The following METAP1 variants were observed in gnomAD, a reference collection of about 807,000 sequenced individuals.
METAP1 encodes methionine aminopeptidase 1.
A neutral mutation model predicts 53.8 loss-of-function variants in METAP1; 28 were observed. The ratio of observed to expected loss-of-function variants is 0.52; its 90% confidence interval spans 0.39 to 0.71. The LOEUF (loss-of-function observed/expected upper bound fraction) is 0.71. Ranked by LOEUF, METAP1 falls within the 30% of genes least tolerant of loss-of-function variation. The pLI is 0.00. For missense variants in METAP1, 389 were observed against 479.8 expected (o/e 0.81, Z 1.77); for synonymous variants, 181 against 165.7 (o/e 1.09, Z -0.71).
rs143137970 is a variant in METAP1, at chr4:99,059,521, C to A, written c.998-1633C>A. Among the ~76,000 whole-genome samples the A allele has an allele frequency of 2.8e-3, 432 of 152,250 alleles. 3 individuals carry two copies. The highest frequency in any genetic ancestry group is 9.9e-3 in the African/African-American group (411 of 41,542). Reference sequence around the variant, plus strand: ...AGTTTATGTTCTGGGATTTGTCTGTCTGAGGCAGTGAGTCCTAGAGGTAAT... The same window carrying A: ...AGTTTATGTTCTGGGATTTGTCTGTATGAGGCAGTGAGTCCTAGAGGTAAT... On this transcript the variant is annotated intron_variant, in intron 10 of 10. Transcript: ENST00000296411.
intron 7 of METAP1, among the ~76,000 whole-genome samples, chr4:99,044,290 A>G (rs530222337): frequency 6.7e-4 from 102 of 152,282 alleles, no homozygotes; most frequent in African/African-American, 2.1e-3. Flanking sequence ...TAAAGGAACT[A>G]CCTATCAAAT....
In METAP1 at chr4:99,031,178, C is replaced by T. The variant is rs181825612; in HGVS notation, c.166+2260C>T. Among the ~76,000 whole-genome samples, 479 of 142,514 alleles carry T rather than the reference C, an allele frequency of 3.4e-3. 5 individuals are homozygous for T. The highest frequency in any genetic ancestry group is 0.011 in the African/African-American group (444 of 38,626). 93.5% of individuals were successfully genotyped at this position (142,514 alleles called of 152,430 possible). On this transcript the variant is annotated intron_variant, in intron 2 of 10. Coordinates refer to ENST00000296411, the MANE Select transcript of METAP1 (RefSeq NM_015143.3). ...AGATGGTAAAGTCCTTAATTAAAAG[C>T]ACTTAATGCTGATTCTTGGGTGCAT...
chr4:99,055,145 C>T (rs1727010062), intron 9 of METAP1, among the ~76,000 whole-genome samples: 1 of 151,664 alleles, frequency 6.6e-6, no homozygotes, highest in Non-Finnish European at 1.5e-5. Flanking sequence ...AATTCCAGCA[C>T]CTTGGGAGGC....
intron 1 of METAP1, among the ~76,000 whole-genome samples, chr4:98,998,783 A>C (rs1023432485): frequency 6.6e-6 from 1 of 151,622 alleles, no homozygotes; most frequent in South Asian, 2.1e-4. Context: ...TGTGCAATCT[A>C]TGATTACCTC....
chr4:99,037,180 A>G (rs1725483286), intron 4 of METAP1, among the ~76,000 whole-genome samples: 1 of 151,510 alleles, frequency 6.6e-6, no homozygotes, highest in Admixed American at 6.6e-5. Flanking sequence ...AGTTTTTTCC[A>G]TATTGATTTA....
intron 9 of METAP1, among the ~76,000 whole-genome samples, chr4:99,055,103 G>A (rs1278564041): frequency 2.0e-5 from 3 of 151,458 alleles, no homozygotes; most frequent in African/African-American, 4.9e-5. Flanking sequence ...AAAAAAAAAA[G>A]CATCTGGTCA....
At chr4:99,043,213 TTTTA>T (rs1265726323) in intron 6 of METAP1, 32 bp from the exon 7 acceptor site, 1 of 1,433,756 alleles carries the variant, frequency 7.0e-7, no homozygotes, top group Non-Finnish European at 9.4e-7. Context: ...AGATTTTTTC[TTTTA>T]TATATTCCAA....
chr4:99,012,716 C>T (rs987901949), intron 1 of METAP1, among the ~76,000 whole-genome samples: 4 of 135,022 alleles, frequency 3.0e-5, no homozygotes, highest in African/African-American at 5.5e-5. Flanking sequence ...CAAATAAGAG[C>T]GACCAAGGTC....
At chr4:99,023,877 T>C (rs1407979888) in intron 1 of METAP1, 3 of 741,076 alleles carry the variant, frequency 4.0e-6, no homozygotes, top group Non-Finnish European at 3.3e-6. Context: ...GAGAAAGAGT[T>C]ACTTATTCAT....
intron 10 of METAP1, among the ~76,000 whole-genome samples, chr4:99,058,107 G>T (rs776574366): frequency 6.6e-6 from 1 of 152,146 alleles, no homozygotes; most frequent in African/African-American, 2.4e-5. Flanking sequence ...AGGTGCCCAG[G>T]TCAAGTCTGT....
chr4:99,057,995 G>A (rs1225272962), intron 10 of METAP1, among the ~76,000 whole-genome samples, 177 bp downstream of exon 10: 1 of 152,110 alleles, frequency 6.6e-6, no homozygotes, highest in Non-Finnish European at 1.5e-5. Flanking sequence ...TGGCAAGAAC[G>A]GCATGGGTTC....
rs1560691975 is a variant in METAP1, at chr4:99,004,492, CACACACACACACACACACACAA to C, written c.114+8627_114+8648del. ...ACACACACACACACACATACACACACACACACACACACACACACACAAAATAACACAGCAAATCATCCACGGG... is the reference window on the plus strand; with the variant it reads ...ACACACACACACACACATACACACACAATAACACAGCAAATCATCCACGGG... On this transcript the variant is annotated intron_variant, in intron 1 of 10. Coordinates refer to ENST00000296411, the MANE Select transcript of METAP1 (RefSeq NM_015143.3). Among the ~76,000 whole-genome samples, 342 of 133,348 alleles carry C rather than the reference CACACACACACACACACACACAA, an allele frequency of 2.6e-3. 1 individual carries two copies. Among genetic ancestry groups the C allele is most frequent in the African/African-American group, 9.2e-3 (326 of 35,526 alleles). The allele number at this position is 133,348 out of a possible 152,430, so 87.5% of individuals were successfully genotyped here.
chr4:99,011,239 A>G (rs181779959), intron 1 of METAP1, among the ~76,000 whole-genome samples: 2 of 152,130 alleles, frequency 1.3e-5, no homozygotes, highest in Admixed American at 1.3e-4. Context: ...TTGTTCCTGG[A>G]CTCAGATGAA....
chr4:99,031,764 G>C lies in METAP1; in HGVS notation c.167-2466G>C, dbSNP rs72908992. 1.1e-5 allele frequency: 5 copies of C among 466,366 alleles called. No homozygotes were observed. The Admixed American group carries it at 1.4e-4, about 13-fold the overall frequency. The allele number at this position is 466,366 out of a possible 1,614,324, so 28.9% of individuals were successfully genotyped here. On this transcript the variant is annotated intron_variant, in intron 2 of 10. Coordinates refer to ENST00000296411, the MANE Select transcript of METAP1 (RefSeq NM_015143.3). ...AAGCTTAGACATCTGTAGTTATTTT[G>C]TGTCAGCTGACCAGAGGAAGCAGCC...
intron 1 of METAP1, among the ~76,000 whole-genome samples, chr4:98,997,951 A>G (rs1421508398): frequency 6.6e-6 from 1 of 152,188 alleles, no homozygotes; most frequent in African/African-American, 2.4e-5. Flanking sequence ...CCCCTTGCAA[A>G]CAAACGCCCA....
intron 1 of METAP1, chr4:99,022,186 G>C: frequency 2.8e-6 from 1 of 353,668 alleles, no homozygotes. Context: ...CCACGTTTGG[G>C]CCCTCACCAG....
At chr4:99,049,193 G>A (rs1345410186) in intron 9 of METAP1, among the ~76,000 whole-genome samples, 1 of 152,068 alleles carries the variant, frequency 6.6e-6, no homozygotes, top group African/African-American at 2.4e-5. Context: ...GAGATGTTGG[G>A]GGTTGAAGCT....
At chr4:99,019,691 T>G (rs1723973121) in intron 1 of METAP1, among the ~76,000 whole-genome samples, 1 of 152,224 alleles carries the variant, frequency 6.6e-6, no homozygotes, top group Non-Finnish European at 1.5e-5. Context: ...TTGTCTGTCT[T>G]CATCCTTCTC....
At chr4:99,031,667 G>A in intron 2 of METAP1, 1 of 1,056,084 alleles carries the variant, frequency 9.5e-7, no homozygotes, top group South Asian at 1.3e-5. Context: ...TGCATAGTAA[G>A]TACTCAAAAA....
Sources: allele counts gnomAD v4.1 joint callset (sites outside exome capture counted in the v4.1 genomes callset), GRCh38; gene constraint gnomAD v4.1.1; transcripts MANE v1.5; gene names NCBI Gene and HGNC (gene_info 2026-07-23, HGNC 2026-07-21).